The following KIF13A variants were observed in gnomAD, a reference collection of about 807,000 sequenced individuals.
KIF13A encodes the protein kinesin-like protein KIF13A.
In KIF13A, 79 loss-of-function variants were observed where a neutral mutation model predicts 212.2. The observed-to-expected ratio is 0.37, with a 90% CI of 0.31 to 0.45. The LOEUF (loss-of-function observed/expected upper bound fraction) is 0.45, where lower values mean the gene tolerates loss of function less well. KIF13A is among the 20% of genes least tolerant of loss of function. The pLI, the probability that KIF13A is intolerant of heterozygous loss-of-function variation, is 1.00. For missense variants in KIF13A, 1,901 were observed against 2,209.0 expected (o/e 0.86, Z 2.79); for synonymous variants, 789 against 808.6 (o/e 0.98, Z 0.41).
chr6:17,799,234 C>A lies in KIF13A; in HGVS notation c.2790+32G>T. 1 of 1,493,514 alleles carries A rather than the reference C, an allele frequency of 6.7e-7. No homozygotes were observed. The highest frequency in any genetic ancestry group is 9.0e-7 in the Non-Finnish European group (1 of 1,109,444). The allele number at this position is 1,493,514 out of a possible 1,614,324, so 92.5% of individuals were successfully genotyped here. A position where few individuals can be genotyped will look rare whatever the true frequency, so the allele number is the denominator to read the frequency against. On this transcript the variant is annotated intron_variant, in intron 22 of 38. Transcript: ENST00000259711. The surrounding 1 kb of genome is among the most constrained non-coding windows in gnomAD (Gnocchi z 4.4). ...GAACTGCACCAATTTCTGCTGCTTC[C>A]TACACAGCTCATTTGGTAATGGCAT... is the stretch of plus-strand genomic sequence containing the variant.
chr6:17,807,799 C>T (rs2150342914), intron 18 of KIF13A, among the ~76,000 whole-genome samples: 1 of 152,256 alleles, frequency 6.6e-6, no homozygotes, highest in Admixed American at 6.5e-5. Context: ...TGATGTCACC[C>T]CCGGCGGCCC....
chr6:17,896,141 C>G (rs949576051), intron 3 of KIF13A, among the ~76,000 whole-genome samples: 21 of 152,060 alleles, frequency 1.4e-4, no homozygotes, highest in Non-Finnish European at 2.8e-4. Context: ...TTTATGTCCC[C>G]CGAATACTGT....
intron 2 of KIF13A, among the ~76,000 whole-genome samples, chr6:17,911,826 G>A (rs1207407863): frequency 6.8e-6 from 1 of 148,110 alleles, no homozygotes; most frequent in Non-Finnish European, 1.5e-5. Context: ...GTACAGTAAT[G>A]CGATCTTGAC....
Position 17,929,399 on chromosome 6 carries a change from C to T in KIF13A, c.147-31219G>A, listed in dbSNP as rs1013491583. On this transcript the variant is annotated intron_variant, in intron 2 of 38. Coordinates refer to ENST00000259711, the MANE Select transcript of KIF13A (RefSeq NM_022113.6). ...GGACTAGAGGTGTGTGCAGCACTCT[C>T]GACTATTTTTTTTTTTTTTGAGACA... Among the ~76,000 whole-genome samples the T allele has an allele frequency of 1.0e-4, 13 of 124,550 alleles. 1 individual carries two copies. Among genetic ancestry groups the T allele is most frequent in the Admixed American group, 6.2e-4 (7 of 11,320 alleles). 81.7% of individuals were successfully genotyped at this position (124,550 alleles called of 152,430 possible).
intron 4 of KIF13A, among the ~76,000 whole-genome samples, chr6:17,860,903 C>G (rs1581557364): frequency 6.6e-6 from 1 of 152,106 alleles, no homozygotes; most frequent in Admixed American, 6.6e-5. Context: ...TATGTAGGTA[C>G]TAATTAGGTA....
rs927944198 is a variant in KIF13A at position 17,947,603 on chromosome 6, T to C, written c.146+39451A>G. On this transcript the variant is annotated intron_variant, in intron 2 of 38. Coordinates refer to ENST00000259711, the MANE Select transcript of KIF13A (RefSeq NM_022113.6). The surrounding 1 kb of genome is among the most constrained non-coding windows in gnomAD (Gnocchi z 4.6). ...CAGCACTTTGGGAGGCCGAGGTGGG[T>C]GGATCACCTGAGGTCAGGAGTTTGA... Among the ~76,000 whole-genome samples the C allele has an allele frequency of 5.9e-5, 9 of 151,932 alleles. No individual in the cohort carries two copies. Among genetic ancestry groups the C allele is most frequent in the African/African-American group, 2.2e-4 (9 of 41,358 alleles).
At chr6:17,903,998 A>T (rs755111810) in intron 2 of KIF13A, among the ~76,000 whole-genome samples, 1 of 138,994 alleles carries the variant, frequency 7.2e-6, no homozygotes, top group African/African-American at 3.1e-5. Flanking sequence ...ACTAAAAATA[A>T]AAAAAAAAAG....
At chr6:17,913,365 C>A (rs945303444) in intron 2 of KIF13A, among the ~76,000 whole-genome samples, 1 of 152,088 alleles carries the variant, frequency 6.6e-6, no homozygotes, top group African/African-American at 2.4e-5. Context: ...GAGTATTTTT[C>A]TTTTCAATGA....
At chr6:17,865,787 G>A (rs1769306450) in intron 4 of KIF13A, among the ~76,000 whole-genome samples, 1 of 152,156 alleles carries the variant, frequency 6.6e-6, no homozygotes, top group Non-Finnish European at 1.5e-5. Flanking sequence ...CAAGAAACCA[G>A]GCCATGAGGG....
chr6:17,817,748 C>T (rs1764075752), intron 16 of KIF13A, among the ~76,000 whole-genome samples: 1 of 152,206 alleles, frequency 6.6e-6, no homozygotes, highest in South Asian at 2.1e-4. Context: ...ACTTACAGAT[C>T]ACAGCACATG....
intron 2 of KIF13A, among the ~76,000 whole-genome samples, chr6:17,976,946 A>T (rs1368536526): frequency 2.6e-5 from 4 of 151,804 alleles, no homozygotes; most frequent in East Asian, 1.9e-4. Flanking sequence ...CTAAAAATAT[A>T]AAAAAATTAG....
intron 2 of KIF13A, among the ~76,000 whole-genome samples, chr6:17,945,218 G>T (rs1777279902): frequency 6.6e-6 from 1 of 152,192 alleles, no homozygotes; most frequent in South Asian, 2.1e-4. Flanking sequence ...ACTACAACTA[G>T]ATGATCACAA....
chr6:17,957,037 T>A (rs544165024), intron 2 of KIF13A, among the ~76,000 whole-genome samples: 1 of 152,114 alleles, frequency 6.6e-6, no homozygotes, highest in South Asian at 2.1e-4. Context: ...CCCACCACCA[T>A]GCCTGGCTAA....
At chr6:17,943,217 A>G (rs1464653688) in intron 2 of KIF13A, among the ~76,000 whole-genome samples, 1 of 152,094 alleles carries the variant, frequency 6.6e-6, no homozygotes, top group Non-Finnish European at 1.5e-5. Flanking sequence ...ATGAATTTTC[A>G]ATGTCTGTTT....
chr6:17,887,281 C>T (rs1771633358), intron 3 of KIF13A, among the ~76,000 whole-genome samples: 1 of 152,118 alleles, frequency 6.6e-6, no homozygotes, highest in African/African-American at 2.4e-5. Context: ...CAGGGAACCT[C>T]GGCTGACATG....
chr6:17,785,614 TC>T lies in KIF13A; in HGVS notation c.3388del (p.Glu1130LysfsTer9). On this transcript the variant is annotated frameshift_variant, in exon 28 of 39. Coordinates refer to ENST00000259711, the MANE Select transcript of KIF13A (RefSeq NM_022113.6). LOFTEE classifies it high-confidence loss of function. This position sits in a 1 kb window ranked among gnomAD's most constrained non-coding sequence, Gnocchi z 5.8. ...TACCCACTGCTCCACAAGCTGGGCT[TC>T]CCGCTCCACATCGTCCTCTGTTTTC... ...TEKTEDDVER[E>X]AQLVEQWVGL... 1 of 1,606,392 alleles carries T rather than the reference TC, an allele frequency of 6.2e-7. No individual in the cohort carries two copies. The highest frequency in any genetic ancestry group is 1.1e-5 in the South Asian group (1 of 89,062).
chr6:17,798,315 G>A (rs1177523025), intron 22 of KIF13A, among the ~76,000 whole-genome samples: 4 of 152,152 alleles, frequency 2.6e-5, no homozygotes, highest in African/African-American at 7.2e-5. Flanking sequence ...CCAGGACACA[G>A]TTAAAATTCA....
intron 2 of KIF13A, among the ~76,000 whole-genome samples, chr6:17,939,702 C>T (rs1357598215): frequency 6.6e-6 from 1 of 152,106 alleles, no homozygotes; most frequent in Non-Finnish European, 1.5e-5. Context: ...GAAAGTGACC[C>T]CTGGTCATCT....
chr6:17,986,576 T>C (rs1781571035), intron 2 of KIF13A, among the ~76,000 whole-genome samples: 1 of 152,224 alleles, frequency 6.6e-6, no homozygotes, highest in Admixed American at 6.5e-5. Context: ...TACAAGACTT[T>C]TGCTTTATTT....
Sources: gnomAD v4.1 joint callset for allele counts (sites outside exome capture counted in the v4.1 genomes callset) on GRCh38, gnomAD v4.1.1 for gene constraint, Gnocchi (gnomAD v3.1) non-coding constraint, MANE v1.5 for transcripts, NCBI Gene and HGNC (gene_info 2026-07-23, HGNC 2026-07-21) for gene names.